Variants in EML1 observed in about 807,000 individuals in gnomAD.
The protein encoded by EML1 is EMAP like 1.
EML1 carries 27 observed loss-of-function variants against 110.4 expected under a neutral mutation model. That is an observed-to-expected ratio of 0.24 (90% CI 0.18 to 0.34). The LOEUF (loss-of-function observed/expected upper bound fraction) is 0.34, where lower values mean the gene tolerates loss of function less well. EML1 is among the 10% of genes least tolerant of loss of function. The pLI is 1.00. For synonymous variants in EML1, 344 were observed against 385.8 expected (o/e 0.89, Z 1.27); for missense variants, 741 against 1,030.9 (o/e 0.72, Z 3.85).
At chr14:99,756,649 G>C (rs373016763) in intron 1 of EML1, among the ~76,000 whole-genome samples, 102 of 152,268 alleles carry the variant, frequency 6.7e-4, no homozygotes, top group African/African-American at 2.4e-3. Context: ...GTTCTCAAAC[G>C]CTGGTGGGCA....
At chr14:99,924,842 T>G (rs1295579275) in intron 17 of EML1, among the ~76,000 whole-genome samples, 1 of 152,230 alleles carries the variant, frequency 6.6e-6, no homozygotes, top group Non-Finnish European at 1.5e-5. Flanking sequence ...GGGATTATTA[T>G]GTGGGTTTCA....
chr14:99,743,090 A>G (rs2057063258), intron 1 of EML1, among the ~76,000 whole-genome samples: 1 of 152,120 alleles, frequency 6.6e-6, no homozygotes. Context: ...CCCTACGTTG[A>G]GGTTCACACC....
intron 1 of EML1, among the ~76,000 whole-genome samples, chr14:99,763,766 T>C (rs1032739706): frequency 1.6e-4 from 24 of 152,150 alleles, no homozygotes; most frequent in African/African-American, 4.6e-4. Flanking sequence ...AGCACAGTTG[T>C]GTAATAAACA....
intron 1 of EML1, among the ~76,000 whole-genome samples, chr14:99,831,772 C>T (rs1488009368): frequency 1.3e-5 from 2 of 151,772 alleles, no homozygotes; most frequent in African/African-American, 4.8e-5. Flanking sequence ...TGATATCTTC[C>T]AGCAGTTGAG....
Position 99,941,486 on chromosome 14 carries a change from G to T in EML1, c.*1374G>T, listed in dbSNP as rs918092454. ...TGTATTATTGAAGATGAATCTGTTT[G>T]TATGTATCCTTGTCAAATATATTCT... is the stretch of plus-strand genomic sequence containing the variant. On this transcript the variant is annotated 3_prime_UTR_variant, in exon 22 of 22. Coordinates refer to ENST00000262233, the MANE Select transcript of EML1 (RefSeq NM_004434.3). The T allele has an allele frequency of 3.9e-5, 6 of 152,192 alleles. No individual in the cohort carries two copies. Among genetic ancestry groups the T allele is most frequent in the African/African-American group, 1.4e-4 (6 of 41,448 alleles). 9.4% of individuals were successfully genotyped at this position (152,192 alleles called of 1,614,324 possible). A position where few individuals can be genotyped will look rare whatever the true frequency, so the allele number is the denominator to read the frequency against.
In EML1 at chr14:99,939,904, T is replaced by C. The variant is rs1156628951; in HGVS notation, c.2323-83T>C. ...GAGGGCGAGTAAAGGAATTAAGGCATGCAGTGAGAATTCAAGCACTTTCCC... is the reference window on the plus strand; with the variant it reads ...GAGGGCGAGTAAAGGAATTAAGGCACGCAGTGAGAATTCAAGCACTTTCCC... On this transcript the variant is annotated intron_variant, in intron 21 of 21. Coordinates refer to ENST00000262233, the MANE Select transcript of EML1 (RefSeq NM_004434.3). The surrounding 1 kb of genome is among the most constrained non-coding windows in gnomAD (Gnocchi z 4.2). 1.4e-6 allele frequency: 2 copies of C among 1,441,568 alleles called. No individual in the cohort carries two copies. Among genetic ancestry groups the C allele is most frequent in the African/African-American group, 2.9e-5 (2 of 69,340 alleles). 89.3% of individuals were successfully genotyped at this position (1,441,568 alleles called of 1,614,324 possible).
In EML1 at chr14:99,905,424, A is replaced by G. The variant is rs2059828903; in HGVS notation, c.1009-2214A>G. On this transcript the variant is annotated intron_variant, in intron 9 of 21. Transcript: ENST00000262233. The surrounding 1 kb of genome is among the most constrained non-coding windows in gnomAD (Gnocchi z 4.1). ...AAAACATAAGAAAGGGAAAAAGGAG[A>G]GAGAGAAAAGCATTCCCTGTGGCAG... 1.3e-5 allele frequency among the ~76,000 whole-genome samples: 2 copies of G among 152,168 alleles called. No homozygotes were observed. Among genetic ancestry groups the G allele is most frequent in the South Asian group, 2.1e-4 (1 of 4,834 alleles).
intron 1 of EML1, among the ~76,000 whole-genome samples, chr14:99,807,432 A>G (rs2057997148): frequency 1.3e-5 from 2 of 152,162 alleles, no homozygotes; most frequent in Admixed American, 1.3e-4. Context: ...TGGCCAATTT[A>G]AGGCGATTGT....
chr14:99,907,814 GC>G, intron 10 of EML1, 81 bp downstream of exon 10: 1 of 1,366,274 alleles, frequency 7.3e-7, no homozygotes, highest in Non-Finnish European at 1.0e-6. Flanking sequence ...CCCCCTTTCA[GC>G]GGGCTCATTC....
At chr14:99,800,274 ATACTCTCTTTGGTTTAC>A (rs2139681448) in intron 1 of EML1, among the ~76,000 whole-genome samples, 1 of 152,154 alleles carries the variant, frequency 6.6e-6, no homozygotes, top group Non-Finnish European at 1.5e-5. Context: ...GAGCAAGTGC[ATACTCTCTTTGGTTTAC>A]TTTTTAAGAA....
intron 20 of EML1, among the ~76,000 whole-genome samples, chr14:99,938,972 TGCACA>T (rs1436101876): frequency 1.3e-5 from 2 of 152,216 alleles, no homozygotes; most frequent in African/African-American, 4.8e-5. Flanking sequence ...TTGCTCCCCT[TGCACA>T]GCAGAGCATC....
At chr14:99,780,249 G>T (rs899385742) in intron 1 of EML1, among the ~76,000 whole-genome samples, 1 of 152,048 alleles carries the variant, frequency 6.6e-6, no homozygotes, top group African/African-American at 2.4e-5. Context: ...GGTTTTCAGT[G>T]TATGAGTTTG....
intron 1 of EML1, among the ~76,000 whole-genome samples, chr14:99,741,632 C>G (rs996374573): frequency 2.6e-5 from 4 of 152,202 alleles, no homozygotes; most frequent in South Asian, 2.1e-4. Context: ...GCGCCCACCC[C>G]CCCCCAGACC....
intron 2 of EML1, among the ~76,000 whole-genome samples, chr14:99,853,956 C>T (rs910428937): frequency 1.3e-5 from 2 of 152,224 alleles, no homozygotes; most frequent in African/African-American, 4.8e-5. Context: ...CAGGCATGAG[C>T]CACCGCATCT....
intron 1 of EML1, among the ~76,000 whole-genome samples, chr14:99,810,975 C>A (rs1454983931): frequency 6.6e-6 from 1 of 152,076 alleles, no homozygotes; most frequent in Non-Finnish European, 1.5e-5. Flanking sequence ...AGAAAAAACT[C>A]TGATCACATG....
chr14:99,789,292 T>A (rs937762104), upstream of EML1, among the ~76,000 whole-genome samples: 2 of 152,158 alleles, frequency 1.3e-5, no homozygotes, highest in African/African-American at 4.8e-5. Flanking sequence ...CATTGCAACC[T>A]CCACCTCCTG....
chr14:99,849,579 G>T (rs2058758879), intron 1 of EML1, among the ~76,000 whole-genome samples: 1 of 151,156 alleles, frequency 6.6e-6, no homozygotes, highest in Admixed American at 6.6e-5. Context: ...ACAGAGTATT[G>T]CTCTGTTGCC....
chr14:99,936,486 G>T lies in EML1; in HGVS notation c.2095+152G>T. 1.5e-6 allele frequency: 1 copy of T among 681,442 alleles called. No individual in the cohort carries two copies. Among genetic ancestry groups the T allele is most frequent in the South Asian group, 1.9e-5 (1 of 53,028 alleles). 42.2% of individuals were successfully genotyped at this position (681,442 alleles called of 1,614,324 possible). On this transcript the variant is annotated intron_variant, in intron 19 of 21. Coordinates refer to ENST00000262233, the MANE Select transcript of EML1 (RefSeq NM_004434.3). The surrounding 1 kb of genome is among the most constrained non-coding windows in gnomAD (Gnocchi z 5.5). ...GTTTCCGCCTCTGTAACGTAGGGGA[G>T]TGGGGCTGCGTGGCTTCTTGGGTCC... is the stretch of plus-strand genomic sequence containing the variant.
intron 1 of EML1, among the ~76,000 whole-genome samples, chr14:99,747,054 C>T (rs1018047963): frequency 1.3e-5 from 2 of 151,944 alleles, no homozygotes; most frequent in African/African-American, 4.8e-5. Context: ...ACAACCACCA[C>T]CCGGGCACCT....
Sources: allele counts gnomAD v4.1 joint callset (sites outside exome capture counted in the v4.1 genomes callset), GRCh38; gene constraint gnomAD v4.1.1; non-coding constraint Gnocchi (gnomAD v3.1); transcripts MANE v1.5; gene names NCBI Gene and HGNC (gene_info 2026-07-23, HGNC 2026-07-21).